PSAT1: variants seen among roughly 807,000 people sequenced by gnomAD.
The protein encoded by PSAT1 is phosphoserine aminotransferase 1, also known as phosphoserine aminotransferase.
In PSAT1, 41 loss-of-function variants were observed where a neutral mutation model predicts 40.3. That is an observed-to-expected ratio of 1.02 (90% CI 0.79 to 1.32). The LOEUF (loss-of-function observed/expected upper bound fraction) is 1.32, where lower values mean the gene tolerates loss of function less well. PSAT1 is among the 40% of genes most tolerant of loss of function. The pLI, the probability that PSAT1 is intolerant of heterozygous loss-of-function variation, is 0.00. For synonymous variants in PSAT1, 147 were observed against 170.5 expected (o/e 0.86, Z 1.07); for missense variants, 406 against 455.8 (o/e 0.89, Z 0.99).
chr9:78,300,809 G>A, intron 2 of PSAT1, 147 bp downstream of exon 2: 1 of 1,315,970 alleles, frequency 7.6e-7, no homozygotes, highest in Non-Finnish European at 9.9e-7. Flanking sequence ...TCCAACTCCT[G>A]GGCTCAAGTG....
intron 7 of PSAT1, among the ~76,000 whole-genome samples, chr9:78,322,367 G>A (rs1434167076): frequency 6.6e-6 from 1 of 152,086 alleles, no homozygotes; most frequent in African/African-American, 2.4e-5. Flanking sequence ...AGTAGACATT[G>A]AGCCTATGCA....
chr9:78,306,491 AGTATAAAAGGCAGG>A lies in PSAT1; in HGVS notation c.570+8_570+21del. On this transcript the variant is annotated splice_donor_region_variant and intron_variant, in intron 5 of 8. Transcript: ENST00000376588. ...AAGCCAGTGGATGTTTCCAAGGTAG[AGTATAAAAGGCAGG>A]GTGAGGGGAACCCACTGACTCGGTG... 6.2e-7 allele frequency: 1 copy of A among 1,614,200 alleles called. No individual in the cohort carries two copies. The highest frequency in any genetic ancestry group is 8.5e-7 in the Non-Finnish European group (1 of 1,180,036).
At chr9:78,300,765 G>A in intron 2 of PSAT1, 103 bp downstream of exon 2, 1 of 1,435,386 alleles carries the variant, frequency 7.0e-7, no homozygotes. Context: ...ACCCAGGCTG[G>A]AGTACAGTGG....
intron 3 of PSAT1, among the ~76,000 whole-genome samples, chr9:78,303,416 G>A (rs1828136033): frequency 1.3e-5 from 2 of 152,116 alleles, no homozygotes; most frequent in South Asian, 4.1e-4. Context: ...TGGGAGAGAT[G>A]ACATTTGACC....
At chr9:78,326,955 A>ATATATATATATATATATATTTTTT in intron 7 of PSAT1, among the ~76,000 whole-genome samples, 1 of 75,964 alleles carries the variant, frequency 1.3e-5, no homozygotes, top group Non-Finnish European at 2.1e-5. Context: ...ATATATATAT[A>ATATATATATATATATATATTTTTT]TTTTTTTTTT....
intron 7 of PSAT1, 73 bp from the exon 8 acceptor site, chr9:78,327,978 A>G: frequency 6.5e-7 from 1 of 1,534,446 alleles, no homozygotes; most frequent in Non-Finnish European, 9.0e-7. Flanking sequence ...TTAAGAAAAA[A>G]AAATCTGTTG....
At chr9:78,326,955 A>ATATATATATATATATATTTTTTTT in intron 7 of PSAT1, among the ~76,000 whole-genome samples, 1 of 75,960 alleles carries the variant, frequency 1.3e-5, no homozygotes, top group African/African-American at 9.5e-5. Context: ...ATATATATAT[A>ATATATATATATATATATTTTTTTT]TTTTTTTTTT....
chr9:78,316,034 C>T (rs191122618), intron 6 of PSAT1, among the ~76,000 whole-genome samples: 5 of 152,196 alleles, frequency 3.3e-5, no homozygotes, highest in South Asian at 2.1e-4. Context: ...CTTCCCTGGG[C>T]GACCTCTCCT....
chr9:78,329,309 A>C lies in PSAT1; in HGVS notation c.*223A>C. The C allele has an allele frequency of 1.8e-6, 1 of 541,120 alleles. No individual in the cohort carries two copies. Among genetic ancestry groups the C allele is most frequent in the Non-Finnish European group, 3.3e-6 (1 of 302,480 alleles). The allele number at this position is 541,120 out of a possible 1,614,324, so 33.5% of individuals were successfully genotyped here. On this transcript the variant is annotated 3_prime_UTR_variant, in exon 9 of 9. Coordinates refer to ENST00000376588, the MANE Select transcript of PSAT1 (RefSeq NM_058179.4). Reference sequence around the variant, plus strand: ...ACTTGAACTGGAAGCATTTTAAGAAATCTTGTTGCTTTTCTAACAAATTCC... The same window carrying C: ...ACTTGAACTGGAAGCATTTTAAGAACTCTTGTTGCTTTTCTAACAAATTCC...
intron 8 of PSAT1, among the ~76,000 whole-genome samples, chr9:78,328,571 A>C (rs1215952882): frequency 6.6e-6 from 1 of 152,142 alleles, no homozygotes; most frequent in Non-Finnish European, 1.5e-5. Flanking sequence ...ATGCTCTATG[A>C]AAAATAAATG....
chr9:78,310,655 G>A (rs1828253632), intron 6 of PSAT1, among the ~76,000 whole-genome samples: 1 of 150,594 alleles, frequency 6.6e-6, no homozygotes, highest in Non-Finnish European at 1.5e-5. Context: ...CTGTTGCCCA[G>A]GCTGGAGTGC....
intron 6 of PSAT1, among the ~76,000 whole-genome samples, chr9:78,313,227 G>A (rs1050663301): frequency 1.3e-5 from 2 of 152,112 alleles, no homozygotes; most frequent in East Asian, 1.9e-4. Context: ...TTACCCGGGC[G>A]TAGTGGCGTG....
intron 4 of PSAT1, 72 bp from the exon 5 acceptor site, chr9:78,306,242 G>C: frequency 3.2e-6 from 5 of 1,538,892 alleles, no homozygotes; most frequent in East Asian, 2.2e-5. Flanking sequence ...TCAGTCTCCT[G>C]GTTGACTCCC....
At position 78,304,838 on chromosome 9, in the gene PSAT1, GCTGA is replaced by G; in HGVS notation, c.298_301del (p.Asp100MetfsTer3). On this transcript the variant is annotated frameshift_variant, in exon 4 of 9. Coordinates refer to ENST00000376588, the MANE Select transcript of PSAT1 (RefSeq NM_058179.4). LOFTEE classifies it high-confidence loss of function. The stretch of plus-strand genomic sequence containing the variant: ...CATTGGCTTGAAAGCAGGAAGGTGT[GCTGA>G]CTATGTGGTGACAGGAGCTTGGTCA... 1 of 1,614,184 alleles carries G rather than the reference GCTGA, an allele frequency of 6.2e-7. No homozygotes were observed.
Position 78,306,361 on chromosome 9 carries a change from G to A in PSAT1, c.445G>A (p.Val149Met), listed in dbSNP as rs142975997. The A allele has an allele frequency of 5.0e-4, 802 of 1,613,022 alleles. 1 individual carries two copies. The highest frequency in any genetic ancestry group is 3.4e-4 in the Non-Finnish European group (398 of 1,179,996). Residue 149 changes from valine (V) to methionine (M), a missense_variant, in exon 5 of 9, where the codon GTG (valine) becomes ATG (methionine). By Grantham distance (21) the Val-to-Met change is conservative (BLOSUM62 1). Transcript: ENST00000376588. Reference protein sequence around the residue: ...TWNLNPDASYVYYCANETVHG... With the variant: ...TWNLNPDASYMYYCANETVHG... ...GAACCTCAACCCAGATGCCTCCTAC[G>A]TGTATTATTGCGCAAATGAGACGGT...
chr9:78,311,591 T>G (rs1828268424), intron 6 of PSAT1, among the ~76,000 whole-genome samples: 1 of 151,928 alleles, frequency 6.6e-6, no homozygotes, highest in Non-Finnish European at 1.5e-5. Context: ...CCCAGCACTT[T>G]GGGAGGCCGA....
chr9:78,327,892 G>A (rs1223043033), intron 7 of PSAT1, among the ~76,000 whole-genome samples, 159 bp from the exon 8 acceptor site: 4 of 152,016 alleles, frequency 2.6e-5, no homozygotes, highest in African/African-American at 4.8e-5. Context: ...TTTTCCCTAA[G>A]TAAACAATAA....
chr9:78,310,992 C>T (rs1369247349), intron 6 of PSAT1, among the ~76,000 whole-genome samples: 2 of 152,228 alleles, frequency 1.3e-5, no homozygotes, highest in Non-Finnish European at 2.9e-5. Context: ...CACATTGTGT[C>T]TCCCACTTTC....
At chr9:78,327,524 A>C (rs1828518543) in intron 7 of PSAT1, among the ~76,000 whole-genome samples, 1 of 152,138 alleles carries the variant, frequency 6.6e-6, no homozygotes, top group Non-Finnish European at 1.5e-5. Flanking sequence ...CACTGTTCAG[A>C]TGAGGAAGGT....
Sources: gnomAD v4.1 joint callset for allele counts (sites outside exome capture counted in the v4.1 genomes callset) on GRCh38, gnomAD v4.1.1 for gene constraint, MANE v1.5 for transcripts, NCBI Gene and HGNC (gene_info 2026-07-23, HGNC 2026-07-21) for gene names.